Variants in ZNF385D observed in about 807,000 individuals in gnomAD.
ZNF385D encodes the protein zinc finger protein 659.
Under a neutral mutation model 35.8 loss-of-function variants are expected in ZNF385D, and 15 were observed. The ratio of observed to expected loss-of-function variants is 0.42; its 90% confidence interval spans 0.28 to 0.64. The LOEUF is 0.64. ZNF385D is among the 30% of genes least tolerant of loss of function. The probability of loss-of-function intolerance (pLI) is 0.23; values close to 1 mark genes in which losing one functional copy is unlikely to be tolerated. For synonymous variants in ZNF385D, 212 were observed against 186.8 expected (o/e 1.13, Z -1.10); for missense variants, 474 against 494.6 (o/e 0.96, Z 0.39).
intron 2 of ZNF385D, among the ~76,000 whole-genome samples, chr3:22,231,684 G>A (rs1452488802): frequency 6.6e-6 from 1 of 152,028 alleles, no homozygotes; most frequent in Non-Finnish European, 1.5e-5. Context: ...ATTTTGCCAG[G>A]TAGATGGGTC....
chr3:22,045,879 C>T (rs1406676643), intron 3 of ZNF385D, among the ~76,000 whole-genome samples: 1 of 151,986 alleles, frequency 6.6e-6, no homozygotes, highest in Non-Finnish European at 1.5e-5. Flanking sequence ...TGCCACTCAT[C>T]AGAGGTAGAA....
intron 3 of ZNF385D, among the ~76,000 whole-genome samples, chr3:22,157,114 T>G (rs1457833835): frequency 6.6e-6 from 1 of 152,124 alleles, no homozygotes; most frequent in South Asian, 2.1e-4. Flanking sequence ...ATCATGAATA[T>G]GCGTGTGGAC....
rs77999340 is a variant in ZNF385D, at chr3:22,015,867, C to G, written c.325+152950G>C. Among the ~76,000 whole-genome samples the G allele has an allele frequency of 3.6e-3, 542 of 152,194 alleles. 7 individuals carry two copies. The East Asian group carries it at 0.038, about 11-fold the overall frequency. ...CTAGAGGAGCAGCCCAGGGCTGCAT[C>G]TGCAAGATGGCACCTTGGACTGTTG... On this transcript the variant is annotated intron_variant, in intron 3 of 5. Coordinates refer to the ZNF385D transcript ENST00000494108.
chr3:21,907,503 T>C (rs968683862), intron 3 of ZNF385D, among the ~76,000 whole-genome samples: 3 of 152,156 alleles, frequency 2.0e-5, no homozygotes, highest in African/African-American at 7.2e-5. Context: ...TAAGTCCTTA[T>C]GGTTGGAATT....
At chr3:21,774,111 C>T (rs931730577) in intron 3 of ZNF385D, among the ~76,000 whole-genome samples, 1 of 151,926 alleles carries the variant, frequency 6.6e-6, no homozygotes, top group Non-Finnish European at 1.5e-5. Context: ...AAGATAATGT[C>T]CTTTTCAGGG....
At chr3:22,212,314 A>G (rs1453089417) in intron 2 of ZNF385D, among the ~76,000 whole-genome samples, 3 of 151,990 alleles carry the variant, frequency 2.0e-5, no homozygotes, top group Middle Eastern at 3.2e-3. Context: ...CAAAAACAAC[A>G]GAGTCTCTGT....
At chr3:21,701,972 T>C (rs1440592901) in intron 1 of ZNF385D, among the ~76,000 whole-genome samples, 1 of 152,088 alleles carries the variant, frequency 6.6e-6, no homozygotes, top group Non-Finnish European at 1.5e-5. Context: ...TGGCATTGAG[T>C]GTCTGCAGCT....
rs74441199 is a variant in ZNF385D at position 22,155,679 on chromosome 3, T to C, written c.325+13138A>G. 1.5e-3 allele frequency among the ~76,000 whole-genome samples: 221 copies of C among 152,202 alleles called. 3 individuals carry two copies. In the East Asian group the frequency reaches 0.038, roughly 26 times the overall value. ...TAAAATAGTTAATAAAGAGAACATG[T>C]CCCTACTTTTATAATATTGTAATTT... is the stretch of plus-strand genomic sequence containing the variant. On this transcript the variant is annotated intron_variant, in intron 3 of 5. Coordinates refer to the ZNF385D transcript ENST00000494108.
intron 2 of ZNF385D, among the ~76,000 whole-genome samples, chr3:22,285,106 T>C (rs991693351): frequency 1.2e-4 from 19 of 152,178 alleles, no homozygotes; most frequent in African/African-American, 3.9e-4. Context: ...TTTTTCAGCA[T>C]TGATTAGAGG....
Position 22,343,536 on chromosome 3 carries a change from G to A in ZNF385D, c.106+28914C>T, listed in dbSNP as rs77729093. Among the ~76,000 whole-genome samples, 893 of 152,288 alleles carry A rather than the reference G, an allele frequency of 5.9e-3. 6 individuals carry two copies. The highest frequency in any genetic ancestry group is 0.02 in the African/African-American group (830 of 41,550). ...CACTTGTCCAGTGGCAGCAGTGTCC[G>A]TGGCAACAGCAAGAGAGAATCCTAC... On this transcript the variant is annotated intron_variant, in intron 2 of 5. Transcript: ENST00000494108.
chr3:21,697,410 T>C (rs940327087), intron 1 of ZNF385D, among the ~76,000 whole-genome samples: 3 of 152,202 alleles, frequency 2.0e-5, no homozygotes, highest in African/African-American at 7.2e-5. Context: ...TGATTTGTTT[T>C]GAGTGTCCTA....
chr3:21,769,270 A>G (rs905344699), intron 3 of ZNF385D, among the ~76,000 whole-genome samples: 1 of 128,276 alleles, frequency 7.8e-6, no homozygotes, highest in African/African-American at 3.2e-5. Flanking sequence ...AGGGTATTCA[A>G]TTAGGAAAAG....
intron 3 of ZNF385D, among the ~76,000 whole-genome samples, chr3:21,934,685 C>T (rs1701176857): frequency 1.3e-5 from 2 of 152,138 alleles, no homozygotes; most frequent in East Asian, 1.9e-4. Flanking sequence ...CTTAGTGATA[C>T]AATGAGAGAG....
intron 2 of ZNF385D, among the ~76,000 whole-genome samples, chr3:22,307,404 T>C (rs1326878405): frequency 1.3e-5 from 2 of 152,160 alleles, no homozygotes. Context: ...GGACTAGAGA[T>C]GTGCATTTTA....
At chr3:22,178,809 C>A (rs544607031) in intron 2 of ZNF385D, among the ~76,000 whole-genome samples, 1 of 152,274 alleles carries the variant, frequency 6.6e-6, no homozygotes, top group Admixed American at 6.5e-5. Flanking sequence ...ATATGGCTAG[C>A]CAGTTTTCCC....
chr3:21,702,719 T>C (rs770017792), intron 1 of ZNF385D, among the ~76,000 whole-genome samples: 3 of 152,212 alleles, frequency 2.0e-5, no homozygotes, highest in Non-Finnish European at 4.4e-5. Context: ...AGAAATTTCT[T>C]CCACCAGATA....
At chr3:21,455,219 G>A (rs1702719692) in intron 4 of ZNF385D, among the ~76,000 whole-genome samples, 1 of 152,160 alleles carries the variant, frequency 6.6e-6, no homozygotes, top group Non-Finnish European at 1.5e-5. Flanking sequence ...TTTCTTCATA[G>A]AATTGGAAAA....
intron 3 of ZNF385D, among the ~76,000 whole-genome samples, chr3:22,125,634 G>T (rs1703382213): frequency 6.6e-6 from 1 of 151,840 alleles, no homozygotes; most frequent in African/African-American, 2.4e-5. Flanking sequence ...TCTTGTAAAG[G>T]TCTTTCACAT....
chr3:21,959,181 G>A (rs1246330817), intron 3 of ZNF385D, among the ~76,000 whole-genome samples: 1 of 152,166 alleles, frequency 6.6e-6, no homozygotes, highest in Non-Finnish European at 1.5e-5. Context: ...AGCAATGTGA[G>A]AATCTTGTGC....
Sources: gnomAD v4.1 joint callset for allele counts (sites outside exome capture counted in the v4.1 genomes callset) on GRCh38, gnomAD v4.1.1 for gene constraint, MANE v1.5 for transcripts, NCBI Gene and HGNC (gene_info 2026-07-23, HGNC 2026-07-21) for gene names.